The following SHLD1 variants were observed in gnomAD, a reference collection of about 807,000 sequenced individuals.
SHLD1 encodes shieldin complex subunit 1.
In SHLD1, 3 loss-of-function variants were observed where a neutral mutation model predicts 5.5. The observed-to-expected ratio is 0.54, with a 90% CI of 0.25 to 1.40. The LOEUF is 1.40. Ranked by LOEUF, SHLD1 falls within the 40% of genes most tolerant of loss-of-function variation. SHLD1 has a pLI of 0.15. For synonymous variants in SHLD1, 92 were observed against 94.3 expected (o/e 0.98, Z 0.14); for missense variants, 210 against 244.4 (o/e 0.86, Z 0.94).
chr20:5,783,295 G>A (rs2087011484), intron 2 of SHLD1, among the ~76,000 whole-genome samples: 1 of 152,084 alleles, frequency 6.6e-6, no homozygotes, highest in African/African-American at 2.4e-5. Context: ...CAAGGTCTCG[G>A]CTCACTGCGA....
intron 2 of SHLD1, among the ~76,000 whole-genome samples, chr20:5,822,772 T>G (rs940901503): frequency 6.6e-6 from 1 of 152,024 alleles, no homozygotes; most frequent in Non-Finnish European, 1.5e-5. Context: ...CTCTCTTGAC[T>G]GGCTCATTCT....
chr20:5,777,565 G>A lies in SHLD1; in HGVS notation c.178+4522G>A, dbSNP rs1985487276. Among the ~76,000 whole-genome samples, 3 of 151,246 alleles carry A rather than the reference G, an allele frequency of 2.0e-5. No homozygotes were observed. In the South Asian group the frequency reaches 6.3e-4, roughly 32 times the overall value. On this transcript the variant is annotated intron_variant, in intron 2 of 2. Coordinates refer to ENST00000303142, the MANE Select transcript of SHLD1 (RefSeq NM_152504.4). ...CTCTGAAGTAGTTAAGACTATAGGC[G>A]TGTGTTATCCTGCCTAGCTAATTAA...
intron 2 of SHLD1, among the ~76,000 whole-genome samples, chr20:5,853,433 G>A (rs556575376): frequency 3.3e-5 from 5 of 152,212 alleles, no homozygotes; most frequent in Admixed American, 2.6e-4. Flanking sequence ...GCGACAGATC[G>A]AGACTCCATC....
intron 2 of SHLD1, among the ~76,000 whole-genome samples, chr20:5,861,874 A>G (rs528961891): frequency 1.3e-4 from 20 of 152,350 alleles, no homozygotes; most frequent in African/African-American, 4.6e-4. Context: ...CTAGTGATTT[A>G]TAAAAGCTTA....
intron 2 of SHLD1, among the ~76,000 whole-genome samples, chr20:5,851,052 A>G (rs964139189): frequency 6.6e-6 from 1 of 152,220 alleles, no homozygotes; most frequent in African/African-American, 2.4e-5. Flanking sequence ...TGGACGTCTC[A>G]TGCTCTCTAA....
intron 2 of SHLD1, among the ~76,000 whole-genome samples, chr20:5,800,984 G>A (rs1281730972): frequency 6.6e-6 from 1 of 151,816 alleles, no homozygotes; most frequent in Non-Finnish European, 1.5e-5. Context: ...CCAAATTGAA[G>A]TTGTTTAAAA....
chr20:5,825,314 T>C lies in SHLD1; in HGVS notation c.179-37710T>C, dbSNP rs192403616. Among the ~76,000 whole-genome samples, 458 of 152,328 alleles carry C rather than the reference T, an allele frequency of 3.0e-3. 1 individual carries two copies. Among genetic ancestry groups the C allele is most frequent in the African/African-American group, 0.011 (446 of 41,574 alleles). Reference sequence around the variant, plus strand: ...CAGTCAATACAGTCGGTAGCTGTTATTGAATGCCCACTGGGTGGCTGCAGG... The same window carrying C: ...CAGTCAATACAGTCGGTAGCTGTTACTGAATGCCCACTGGGTGGCTGCAGG... On this transcript the variant is annotated intron_variant, in intron 2 of 2. Coordinates refer to ENST00000303142, the MANE Select transcript of SHLD1 (RefSeq NM_152504.4).
At chr20:5,834,428 A>T (rs6053733) in intron 2 of SHLD1, among the ~76,000 whole-genome samples, 2 of 152,026 alleles carry the variant, frequency 1.3e-5, no homozygotes, top group Non-Finnish European at 2.9e-5. Context: ...CAGCTGGGTT[A>T]CATTCTAATT....
At chr20:5,817,394 TTC>T (rs144955343) in intron 2 of SHLD1, among the ~76,000 whole-genome samples, 1,802 of 75,672 alleles carry the variant, frequency 0.024, 2 homozygotes, top group East Asian at 0.035. Flanking sequence ...ACGGGATATT[TTC>T]TCTCTCTCTC....
chr20:5,757,224 ACAC>A (rs1184273679), intron 1 of SHLD1, among the ~76,000 whole-genome samples: 2 of 151,494 alleles, frequency 1.3e-5, no homozygotes, highest in Non-Finnish European at 2.9e-5. Flanking sequence ...ATTACAAAGT[ACAC>A]CACCACGCCC....
intron 2 of SHLD1, among the ~76,000 whole-genome samples, chr20:5,800,853 G>GTA (rs1442602698): frequency 2.7e-4 from 11 of 40,030 alleles, no homozygotes; most frequent in African/African-American, 7.6e-4. Flanking sequence ...GTGTGTGTGT[G>GTA]TGTGCGTATG....
In SHLD1 at chr20:5,806,828, C is replaced by T. The variant is rs957682778; in HGVS notation, c.178+33785C>T. On this transcript the variant is annotated intron_variant, in intron 2 of 2. Transcript: ENST00000303142. The surrounding 1 kb of genome is among the most constrained non-coding windows in gnomAD (Gnocchi z 7.6). Reference sequence around the variant, plus strand: ...CCAAGGGATGTGAACAGAGTGGTGGCAGTGATGGTTGCCAGCCCTCTGTCA... The same window carrying T: ...CCAAGGGATGTGAACAGAGTGGTGGTAGTGATGGTTGCCAGCCCTCTGTCA... Among the ~76,000 whole-genome samples the T allele has an allele frequency of 4.6e-5, 7 of 152,342 alleles. No homozygotes were observed. Among genetic ancestry groups the T allele is most frequent in the East Asian group, 1.9e-4 (1 of 5,184 alleles).
chr20:5,862,880 T>C, intron 2 of SHLD1, 144 bp from the exon 3 acceptor site: 2 of 722,382 alleles, frequency 2.8e-6, no homozygotes, highest in South Asian at 2.0e-5. Context: ...GAGAACAGAT[T>C]TTGAAATCAG....
chr20:5,854,991 A>G (rs1323417428), intron 2 of SHLD1, among the ~76,000 whole-genome samples: 1 of 151,254 alleles, frequency 6.6e-6, no homozygotes, highest in Non-Finnish European at 1.5e-5. Flanking sequence ...CTCCCACCTC[A>G]GCCTCCCAAG....
At chr20:5,842,479 T>A (rs192632274) in intron 2 of SHLD1, among the ~76,000 whole-genome samples, 43 of 152,362 alleles carry the variant, frequency 2.8e-4, no homozygotes, top group African/African-American at 1.0e-3. Flanking sequence ...AGGTCTTGTT[T>A]CATTGCCTTC....
chr20:5,764,868 G>GAAA (rs1483960660), intron 1 of SHLD1, among the ~76,000 whole-genome samples: 1 of 152,116 alleles, frequency 6.6e-6, no homozygotes, highest in Non-Finnish European at 1.5e-5. Flanking sequence ...CTGAATGGAA[G>GAAA]AAAAATAAGT....
chr20:5,752,407 AAAC>A, intron 1 of SHLD1, among the ~76,000 whole-genome samples: 1 of 151,780 alleles, frequency 6.6e-6, no homozygotes, highest in East Asian at 1.9e-4. Context: ...AAAAAAAAAA[AAAC>A]AAAAAAGAGA....
At chr20:5,767,597 G>A (rs559347237) in intron 1 of SHLD1, among the ~76,000 whole-genome samples, 1 of 152,228 alleles carries the variant, frequency 6.6e-6, no homozygotes, top group South Asian at 2.1e-4. Flanking sequence ...TCATGAGATT[G>A]CCTGCCACCA....
intron 2 of SHLD1, among the ~76,000 whole-genome samples, chr20:5,789,348 G>A (rs2087106562): frequency 6.6e-6 from 1 of 151,720 alleles, no homozygotes; most frequent in Non-Finnish European, 1.5e-5. Flanking sequence ...AGGCCAAGGT[G>A]GGCAGATCAC....
Sources: gnomAD v4.1 joint callset for allele counts (sites outside exome capture counted in the v4.1 genomes callset) on GRCh38, gnomAD v4.1.1 for gene constraint, Gnocchi (gnomAD v3.1) non-coding constraint, MANE v1.5 for transcripts, NCBI Gene and HGNC (gene_info 2026-07-23, HGNC 2026-07-21) for gene names.